PCDHGB3: variants seen among roughly 807,000 people sequenced by gnomAD.
The protein encoded by PCDHGB3 is protocadherin gamma subfamily B, 3.
A neutral mutation model predicts 59.2 loss-of-function variants in PCDHGB3; 40 were observed. That is an observed-to-expected ratio of 0.68 (90% CI 0.52 to 0.88). The LOEUF is 0.88. PCDHGB3 is among the 40% of genes least tolerant of loss of function. The pLI is 0.00. For synonymous variants in PCDHGB3, 581 were observed against 503.6 expected (o/e 1.15, Z -2.06); for missense variants, 1,309 against 1,187.9 (o/e 1.10, Z -1.50).
intron 1 of PCDHGB3, among the ~76,000 whole-genome samples, chr5:141,483,024 G>A (rs1210804345): frequency 6.6e-6 from 1 of 152,094 alleles, no homozygotes; most frequent in Non-Finnish European, 1.5e-5. Context: ...GGCAGAGGTT[G>A]CAATGAGCTG....
At chr5:141,492,673 C>T (rs2099743035) in intron 1 of PCDHGB3, among the ~76,000 whole-genome samples, 1 of 152,250 alleles carries the variant, frequency 6.6e-6, no homozygotes, top group Non-Finnish European at 1.5e-5. Flanking sequence ...GGGACTCCGT[C>T]TCAAGGGTCG....
chr5:141,376,550 C>T (rs1772814272), intron 1 of PCDHGB3: 2 of 1,611,946 alleles, frequency 1.2e-6, no homozygotes, highest in African/African-American at 1.3e-5. Context: ...ATCTGATCTT[C>T]CCGCAACCCA....
chr5:141,409,480 C>A, intron 1 of PCDHGB3: 1 of 1,614,002 alleles, frequency 6.2e-7, no homozygotes, highest in Non-Finnish European at 8.5e-7. Flanking sequence ...TAGCCACTGA[C>A]AGGGGCAAGC....
chr5:141,374,039 G>A, intron 1 of PCDHGB3: 1 of 1,456,944 alleles, frequency 6.9e-7, no homozygotes, highest in Non-Finnish European at 9.1e-7. Flanking sequence ...ATGCAGATCT[G>A]TTCTTCCTCT....
chr5:141,450,608 T>C (rs916441293), intron 1 of PCDHGB3, among the ~76,000 whole-genome samples: 5 of 151,776 alleles, frequency 3.3e-5, no homozygotes, highest in Admixed American at 2.6e-4. Flanking sequence ...TGCCTCAGCC[T>C]CCTGAGTAGC....
At chr5:141,462,823 G>A (rs1420321501) in intron 1 of PCDHGB3, among the ~76,000 whole-genome samples, 1 of 152,170 alleles carries the variant, frequency 6.6e-6, no homozygotes, top group African/African-American at 2.4e-5. Flanking sequence ...TTGGACAGCA[G>A]ACATTGTAAA....
Position 141,431,663 on chromosome 5 carries a change from T to G in PCDHGB3, c.2415+58854T>G, listed in dbSNP as rs2097405149. ...ACTAGATTGTAATTCAGGGACAATA[T>G]CAACAATAGGGGAGTTGGACCACGA... On this transcript the variant is annotated intron_variant, in intron 1 of 3. Coordinates refer to ENST00000576222, the MANE Select transcript of PCDHGB3 (RefSeq NM_018924.5). The surrounding 1 kb of genome is among the most constrained non-coding windows in gnomAD (Gnocchi z 4.8). The G allele has an allele frequency of 6.2e-7, 1 of 1,614,168 alleles. No individual in the cohort carries two copies.
intron 1 of PCDHGB3, among the ~76,000 whole-genome samples, chr5:141,481,782 T>C (rs1348977678): frequency 6.6e-6 from 1 of 152,008 alleles, no homozygotes; most frequent in African/African-American, 2.4e-5. Context: ...TGAAACCCCG[T>C]CTCTACTAAA....
chr5:141,452,525 G>A (rs1227647193), intron 1 of PCDHGB3, among the ~76,000 whole-genome samples: 3 of 152,126 alleles, frequency 2.0e-5, no homozygotes, highest in Admixed American at 6.5e-5. Flanking sequence ...CCTCAAAATC[G>A]TGAGTTCATA....
At position 141,447,890 on chromosome 5, in the gene PCDHGB3, A is replaced by AC. The variant is rs1252174829; in HGVS notation, c.2416-46917_2416-46916insC. On this transcript the variant is annotated intron_variant, in intron 1 of 3. Transcript: ENST00000576222. ...CATCTGAGGTCAGGAGTTCGAGACCAGCCTGGCCAACATGGTGAAACTCTG... is the reference window on the plus strand; with the variant it reads ...CATCTGAGGTCAGGAGTTCGAGACCACGCCTGGCCAACATGGTGAAACTCTG... 1.3e-5 allele frequency among the ~76,000 whole-genome samples: 2 copies of AC among 152,146 alleles called. 1 individual carries two copies. The highest frequency in any genetic ancestry group is 4.8e-5 in the African/African-American group (2 of 41,434).
At chr5:141,376,652 C>T (rs1030026607) in intron 1 of PCDHGB3, 3 of 877,708 alleles carry the variant, frequency 3.4e-6, no homozygotes, top group East Asian at 2.7e-5. Context: ...AAGTGGAAGA[C>T]TCCCTTGTTC....
chr5:141,395,086 C>A, intron 1 of PCDHGB3: 1 of 1,614,166 alleles, frequency 6.2e-7, no homozygotes, highest in Non-Finnish European at 8.5e-7. Context: ...CAGGAAGTCT[C>A]CCTCACCGCC....
chr5:141,487,771 T>C lies in PCDHGB3; in HGVS notation c.2416-7036T>C. The C allele has an allele frequency of 1.3e-6, 2 of 1,537,446 alleles. No homozygotes were observed. Among genetic ancestry groups the C allele is most frequent in the South Asian group, 2.4e-5 (2 of 82,456 alleles). ...ACTATGTGGTAGACGCTGTGCTTTGTAACTGTTTCGTGAATTAACCAGAGT... is the reference window on the plus strand; with the variant it reads ...ACTATGTGGTAGACGCTGTGCTTTGCAACTGTTTCGTGAATTAACCAGAGT... On this transcript the variant is annotated intron_variant, in intron 1 of 3. Coordinates refer to ENST00000576222, the MANE Select transcript of PCDHGB3 (RefSeq NM_018924.5). This position sits in a 1 kb window ranked among gnomAD's most constrained non-coding sequence, Gnocchi z 5.0.
Position 141,489,075 on chromosome 5 carries a change from C to A in PCDHGB3, c.2416-5732C>A. The A allele has an allele frequency of 3.1e-6, 1 of 324,814 alleles. No individual in the cohort carries two copies. The highest frequency in any genetic ancestry group is 5.5e-6 in the Non-Finnish European group (1 of 180,380). The allele number at this position is 324,814 out of a possible 1,614,324, so 20.1% of individuals were successfully genotyped here. A position where few individuals can be genotyped will look rare whatever the true frequency, so the allele number is the denominator to read the frequency against. ...TCAGCTCCCCTCCCCCCTGCCCACCCCCGCCACTCGGTGACTAAGAACTGC... is the reference window on the plus strand; with the variant it reads ...TCAGCTCCCCTCCCCCCTGCCCACCACCGCCACTCGGTGACTAAGAACTGC... On this transcript the variant is annotated intron_variant, in intron 1 of 3. Coordinates refer to ENST00000576222, the MANE Select transcript of PCDHGB3 (RefSeq NM_018924.5). The surrounding 1 kb of genome is among the most constrained non-coding windows in gnomAD (Gnocchi z 4.5).
At position 141,375,466 on chromosome 5, in the gene PCDHGB3, C is replaced by G. The variant is rs569300391; in HGVS notation, c.2415+2657C>G. On this transcript the variant is annotated intron_variant, in intron 1 of 3. Coordinates refer to ENST00000576222, the MANE Select transcript of PCDHGB3 (RefSeq NM_018924.5). ...CCCATTCATCCTACTCAGTCTATGT[C>G]CTTGAAAACAACCCCAGGGGTGCCT... The G allele has an allele frequency of 2.5e-6, 4 of 1,614,016 alleles. No individual in the cohort carries two copies. In the African/African-American group the frequency reaches 4.0e-5, roughly 16 times the overall value.
intron 1 of PCDHGB3, chr5:141,418,133 C>T (rs758498780): frequency 2.5e-6 from 4 of 1,613,924 alleles, no homozygotes; most frequent in Non-Finnish European, 3.4e-6. Flanking sequence ...CCGAATAGAC[C>T]GTGAGCAAAT....
chr5:141,405,390 T>C (rs1561700240), intron 1 of PCDHGB3: 1 of 1,600,118 alleles, frequency 6.2e-7, no homozygotes, highest in South Asian at 1.1e-5. Context: ...AGTTCATTTT[T>C]TTTCTTTCTT....
Position 141,477,653 on chromosome 5 carries a change from A to C in PCDHGB3, c.2416-17154A>C. ...GCTAGTGGGTCGCTATTTCACAATA[A>C]ATCGTGACAATGGCATAGTGTCATC... On this transcript the variant is annotated intron_variant, in intron 1 of 3. Transcript: ENST00000576222. The surrounding 1 kb of genome is among the most constrained non-coding windows in gnomAD (Gnocchi z 4.9). The C allele has an allele frequency of 1.2e-6, 2 of 1,614,204 alleles. No individual in the cohort carries two copies. Among genetic ancestry groups the C allele is most frequent in the Non-Finnish European group, 1.7e-6 (2 of 1,180,036 alleles).
In PCDHGB3 at chr5:141,477,017, A is replaced by G; in HGVS notation, c.2416-17790A>G. 2 of 1,614,220 alleles carry G rather than the reference A, an allele frequency of 1.2e-6. No homozygotes were observed. The highest frequency in any genetic ancestry group is 2.2e-5 in the East Asian group (1 of 44,868). ...GCAACTATTCGCCTTAGACCTTGTA[A>G]CCGGGATGCTGACAATCAAGGGTCG... On this transcript the variant is annotated intron_variant, in intron 1 of 3. Coordinates refer to ENST00000576222, the MANE Select transcript of PCDHGB3 (RefSeq NM_018924.5). This position sits in a 1 kb window ranked among gnomAD's most constrained non-coding sequence, Gnocchi z 4.9.
Sources: gnomAD v4.1 joint callset for allele counts (sites outside exome capture counted in the v4.1 genomes callset) on GRCh38, gnomAD v4.1.1 for gene constraint, Gnocchi (gnomAD v3.1) non-coding constraint, MANE v1.5 for transcripts, NCBI Gene and HGNC (gene_info 2026-07-23, HGNC 2026-07-21) for gene names.